NRAP: variants seen among roughly 807,000 people sequenced by gnomAD.
NRAP encodes the protein nebulin related anchoring protein, also known as nebulin-related-anchoring protein.
Under a neutral mutation model 225.9 loss-of-function variants are expected in NRAP, and 189 were observed. The observed-to-expected ratio is 0.84, with a 90% CI of 0.74 to 0.94. The LOEUF is 0.94. NRAP is among the 40% of genes least tolerant of loss of function. The pLI, the probability that NRAP is intolerant of heterozygous loss-of-function variation, is 0.00. For synonymous variants in NRAP, 769 were observed against 790.7 expected, an observed-to-expected ratio of 0.97 and a Z score of 0.46; for missense variants, 2,176 against 2,168.7, an observed-to-expected ratio of 1.00 and a Z score of -0.07.
At chr10:113,615,528 T>A (rs940306685) in intron 27 of NRAP, among the ~76,000 whole-genome samples, 184 bp downstream of exon 27, 6 of 152,316 alleles carry the variant, frequency 3.9e-5, no homozygotes, top group African/African-American at 1.4e-4. Context: ...AGCTACATAA[T>A]GTGCAGGGCC....
chr10:113,589,632 C>T, intron 41 of NRAP, 34 bp downstream of exon 41: 1 of 1,452,824 alleles, frequency 6.9e-7, no homozygotes, highest in Non-Finnish European at 9.0e-7. Context: ...CATGGCCTTG[C>T]AAGCCAGGGG....
At chr10:113,602,645 A>G (rs2133879269) in intron 35 of NRAP, among the ~76,000 whole-genome samples, 1 of 152,346 alleles carries the variant, frequency 6.6e-6, no homozygotes, top group South Asian at 2.1e-4. Context: ...GCAATTAATA[A>G]TAATTGATTA....
chr10:113,650,981 AT>A (rs765101400), intron 7 of NRAP, among the ~76,000 whole-genome samples: 1 of 152,244 alleles, frequency 6.6e-6, no homozygotes, highest in Non-Finnish European at 1.5e-5. Flanking sequence ...TCTTGATCTT[AT>A]TATGCTGTGC....
chr10:113,590,902 G>A lies in NRAP; in HGVS notation c.4645-13C>T. 6.2e-7 allele frequency: 1 copy of A among 1,611,600 alleles called. No individual in the cohort carries two copies. The highest frequency in any genetic ancestry group is 8.5e-7 in the Non-Finnish European group (1 of 1,178,194). Reference sequence around the variant, plus strand: ...CTTTGTACCGGAACTGCAAGTCAGAGGAGCAGAGGCAGATCATGGGTGCCT... The same window carrying A: ...CTTTGTACCGGAACTGCAAGTCAGAAGAGCAGAGGCAGATCATGGGTGCCT... On this transcript the variant is annotated splice_polypyrimidine_tract_variant and intron_variant, in intron 39 of 41. Coordinates refer to ENST00000359988, the MANE Select transcript of NRAP (RefSeq NM_198060.4).
intron 31 of NRAP, among the ~76,000 whole-genome samples, 197 bp from the exon 32 acceptor site, chr10:113,608,709 G>A (rs1847148596): frequency 6.6e-6 from 1 of 152,196 alleles, no homozygotes; most frequent in African/African-American, 2.4e-5. Context: ...AGGATAGGAT[G>A]GACTGAATCA....
chr10:113,591,449 T>C (rs2133819608), intron 39 of NRAP, among the ~76,000 whole-genome samples: 1 of 152,386 alleles, frequency 6.6e-6, no homozygotes, highest in South Asian at 2.1e-4. Flanking sequence ...ACACCCAACC[T>C]GGCCTTCACC....
intron 14 of NRAP, among the ~76,000 whole-genome samples, 186 bp downstream of exon 14, chr10:113,640,041 G>A (rs1413298928): frequency 1.3e-5 from 2 of 152,176 alleles, no homozygotes; most frequent in Non-Finnish European, 2.9e-5. Context: ...GAAAATCTAA[G>A]GGTGTGCAAA....
rs770912925 is a variant in NRAP at position 113,605,876 on chromosome 10, T to C, written c.3808-7A>G. On this transcript the variant is annotated splice_region_variant and splice_polypyrimidine_tract_variant and intron_variant, in intron 33 of 41. Transcript: ENST00000359988. ...AGGACTCTTTGTATCTTGCCTAAAG[T>C]GGGAACACATGTAAATCTTTTTTAA... 3.4e-5 allele frequency: 54 copies of C among 1,590,492 alleles called. No homozygotes were observed. Among genetic ancestry groups the C allele is most frequent in the Admixed American group, 6.7e-5 (4 of 59,480 alleles).
chr10:113,643,693 A>C (rs1592842507), intron 11 of NRAP, among the ~76,000 whole-genome samples: 1 of 152,320 alleles, frequency 6.6e-6, no homozygotes, highest in East Asian at 1.9e-4. Flanking sequence ...GGTAATTAGC[A>C]TGAGGCAGTT....
chr10:113,634,138 T>G lies in NRAP; in HGVS notation c.1501A>C (p.Lys501Gln). 6.2e-7 allele frequency: 1 copy of G among 1,613,844 alleles called. No homozygotes were observed. Among genetic ancestry groups the G allele is most frequent in the Non-Finnish European group, 8.5e-7 (1 of 1,179,728 alleles). Residue 501 changes from lysine to glutamine, a missense_variant, in exon 15 of 42, where the codon AAA becomes CAA. Lys to Gln is a moderately conservative substitution (Grantham distance 53). Transcript: ENST00000359988. ...TGACTCAGCTGCTGGGCATTGATTT[T>G]GGCTTGAACAATCTGTGGGGTGTCA... Reference protein sequence around the residue: ...VTDTPQIVQAKINAQQLSHVN... With the variant: ...VTDTPQIVQAQINAQQLSHVN...
intron 17 of NRAP, 37 bp from the exon 18 acceptor site, chr10:113,631,647 A>G: frequency 7.1e-7 from 1 of 1,404,418 alleles, no homozygotes; most frequent in Non-Finnish European, 1.0e-6. Context: ...TGAGTGAGAG[A>G]GAAACTTTGC....
rs186178037 is a variant in NRAP at position 113,604,917 on chromosome 10, G to A, written c.3919C>T (p.Leu1307Phe). The A allele has an allele frequency of 1.2e-6, 2 of 1,608,646 alleles. No homozygotes were observed. The highest frequency in any genetic ancestry group is 2.2e-5 in the East Asian group (1 of 44,728). ...TCCTTCACAAAGTCATGTCTGTAGA[G>A]AAACTGCAAGAAAGGGCTGGCCGGT... ...RASGDIASDFLYRHDFVKERG... is the reference protein window; with the variant it reads ...RASGDIASDFFYRHDFVKERG... Residue 1307 changes from leucine to phenylalanine, a missense_variant, in exon 35 of 42, where the codon CTC (leucine) becomes TTC (phenylalanine). By Grantham distance (22) the Leu-to-Phe change is conservative. Coordinates refer to ENST00000359988, the MANE Select transcript of NRAP (RefSeq NM_198060.4).
At chr10:113,620,439 C>T (rs1019745026) in intron 25 of NRAP, among the ~76,000 whole-genome samples, 165 bp downstream of exon 25, 6 of 152,144 alleles carry the variant, frequency 3.9e-5, no homozygotes, top group African/African-American at 4.8e-5. Flanking sequence ...GTGTGTGTTT[C>T]GTACGTGGTT....
chr10:113,647,077 G>A (rs1466662800), intron 9 of NRAP, 50 bp from the exon 10 acceptor site: 2 of 1,198,040 alleles, frequency 1.7e-6, no homozygotes, highest in Non-Finnish European at 2.5e-6. Context: ...CTCCCCAGAT[G>A]GGTGGGGTTC....
In NRAP at chr10:113,660,386, C is replaced by CAT. The variant is rs1184220635; in HGVS notation, c.255+2291_255+2292dup. On this transcript the variant is annotated intron_variant, in intron 3 of 41. Coordinates refer to ENST00000359988, the MANE Select transcript of NRAP (RefSeq NM_198060.4). The stretch of plus-strand genomic sequence containing the variant: ...GGATGCACACACACATATATATACA[C>CAT]ATATATATACACACATATACGCTGT... Among the ~76,000 whole-genome samples, 4 of 151,998 alleles carry CAT rather than the reference C, an allele frequency of 2.6e-5. No individual in the cohort carries two copies. The South Asian group carries it at 8.3e-4, about 32-fold the overall frequency.
chr10:113,602,927 G>T (rs1188172910), intron 35 of NRAP, among the ~76,000 whole-genome samples: 1 of 152,176 alleles, frequency 6.6e-6, no homozygotes, highest in Non-Finnish European at 1.5e-5. Flanking sequence ...GTGGTGGGGT[G>T]CTATGGACAC....
At chr10:113,654,562 C>T (rs1251545469) in intron 4 of NRAP, among the ~76,000 whole-genome samples, 1 of 149,798 alleles carries the variant, frequency 6.7e-6, no homozygotes, top group Non-Finnish European at 1.5e-5. Context: ...TACTCATGAC[C>T]TACCACCTTG....
In NRAP at chr10:113,597,987, A is replaced by G; in HGVS notation, c.4314T>C (p.Ala1438=). The change falls in exon 36 of 42, where the codon GCT becomes GCC. Residue 1438 remains alanine (A), a synonymous_variant. Transcript: ENST00000359988. ...RSPQMESAKK[A]GELISETKYR... ...ATGGTACCTCGCTGATGAGTTCTCC[A>G]GCCTTCTTTGCACTCTCCATCTGTG... 6.2e-7 allele frequency: 1 copy of G among 1,612,820 alleles called. No homozygotes were observed. Among genetic ancestry groups the G allele is most frequent in the Non-Finnish European group, 8.5e-7 (1 of 1,178,952 alleles).
At position 113,600,155 on chromosome 10, in the gene NRAP, T is replaced by TTCTCTCTCTCTCTCTCTCTCTC. The variant is rs10529111; in HGVS notation, c.4228-2104_4228-2083dup. 3.5e-3 allele frequency among the ~76,000 whole-genome samples: 489 copies of TTCTCTCTCTCTCTCTCTCTCTC among 140,276 alleles called. 5 individuals carry two copies. The highest frequency in any genetic ancestry group is 4.2e-3 in the African/African-American group (156 of 37,194). The allele number at this position is 140,276 out of a possible 152,430, so 92.0% of individuals were successfully genotyped here. ...ACCATCCTGCAAAGAAGGGGTTATATTCTCTCTCTCTCTCTCTCTCTCTCT... is the reference window on the plus strand; with the variant it reads ...ACCATCCTGCAAAGAAGGGGTTATATTCTCTCTCTCTCTCTCTCTCTCTCTCTCTCTCTCTCTCTCTCTCTCT... On this transcript the variant is annotated intron_variant, in intron 35 of 41. Transcript: ENST00000359988.
Sources: gnomAD v4.1 joint callset for allele counts (sites outside exome capture counted in the v4.1 genomes callset) on GRCh38, gnomAD v4.1.1 for gene constraint, MANE v1.5 for transcripts, NCBI Gene and HGNC (gene_info 2026-07-23, HGNC 2026-07-21) for gene names.